SNTG1: variants seen among roughly 807,000 people sequenced by gnomAD.
The protein encoded by SNTG1 is syntrophin gamma 1.
SNTG1 carries 39 observed loss-of-function variants against 74.7 expected under a neutral mutation model. The ratio of observed to expected loss-of-function variants is 0.52; its 90% confidence interval spans 0.40 to 0.68. The LOEUF is 0.68. Ranked by LOEUF, SNTG1 falls within the 30% of genes least tolerant of loss-of-function variation. SNTG1 has a pLI of 0.00. For synonymous variants in SNTG1, 254 were observed against 217.1 expected (o/e 1.17, Z -1.49); for missense variants, 685 against 609.5 (o/e 1.12, Z -1.30).
chr8:50,115,576 A>AAAAGAAAAAAAAAAAAAAAC, intron 1 of SNTG1, among the ~76,000 whole-genome samples: 1 of 82,908 alleles, frequency 1.2e-5, no homozygotes. Flanking sequence ...TCAAAAAAAA[A>AAAAGAAAAAAAAAAAAAAAC]AAAAAAAAAA....
intron 15 of SNTG1, among the ~76,000 whole-genome samples, chr8:50,689,501 A>G (rs1379974835): frequency 6.6e-6 from 1 of 152,146 alleles, no homozygotes; most frequent in East Asian, 1.9e-4. Flanking sequence ...ATCTATTGAG[A>G]TAATCATGTG....
At chr8:50,353,190 G>A (rs2091718470) in intron 2 of SNTG1, among the ~76,000 whole-genome samples, 1 of 147,360 alleles carries the variant, frequency 6.8e-6, no homozygotes, top group African/African-American at 2.5e-5. Flanking sequence ...TCACTCATGG[G>A]TGGGAATTGA....
At chr8:50,271,692 T>C (rs550234611) in intron 2 of SNTG1, among the ~76,000 whole-genome samples, 42 of 152,310 alleles carry the variant, frequency 2.8e-4, no homozygotes, top group African/African-American at 9.4e-4. Flanking sequence ...CGTATGACAG[T>C]TGACCTCCTA....
chr8:50,789,406 C>A (rs1488339029), intron 18 of SNTG1, among the ~76,000 whole-genome samples: 1 of 151,952 alleles, frequency 6.6e-6, no homozygotes, highest in Non-Finnish European at 1.5e-5. Context: ...ACCTATCCTG[C>A]ACACCTTGAT....
At chr8:50,133,094 G>A (rs1197805231) in intron 1 of SNTG1, among the ~76,000 whole-genome samples, 2 of 152,054 alleles carry the variant, frequency 1.3e-5, no homozygotes, top group African/African-American at 4.8e-5. Context: ...ACTATAAGAA[G>A]CAAGGACGAG....
At chr8:49,967,738 A>G (rs1811279257) in intron 1 of SNTG1, among the ~76,000 whole-genome samples, 1 of 152,218 alleles carries the variant, frequency 6.6e-6, no homozygotes, top group African/African-American at 2.4e-5. Flanking sequence ...TATCACTGAA[A>G]GTGAGATTAA....
At chr8:50,698,516 C>T (rs145760215) in intron 15 of SNTG1, among the ~76,000 whole-genome samples, 1 of 152,146 alleles carries the variant, frequency 6.6e-6, no homozygotes, top group African/African-American at 2.4e-5. Flanking sequence ...AGCCTGGTTC[C>T]AGCATGCCAA....
chr8:50,009,480 C>T (rs781688881), intron 1 of SNTG1, among the ~76,000 whole-genome samples: 3 of 152,078 alleles, frequency 2.0e-5, no homozygotes, highest in Non-Finnish European at 4.4e-5. Context: ...ATCATCTAAG[C>T]ATTAGGCTAA....
chr8:50,074,129 A>G (rs959435939), intron 1 of SNTG1, among the ~76,000 whole-genome samples: 7 of 152,054 alleles, frequency 4.6e-5, no homozygotes, highest in Non-Finnish European at 8.8e-5. Flanking sequence ...TCTACATCAA[A>G]AATCTGTTGT....
rs564406033 is a variant in SNTG1 at position 50,730,658 on chromosome 8, T to C, written c.1285-21343T>C. ...ATAAGGATATGTTGTCTCAAAATGC[T>C]ATGAATTTTATGACATGTTTAAGAT... On this transcript the variant is annotated intron_variant, in intron 17 of 18. Coordinates refer to ENST00000642720, the MANE Select transcript of SNTG1 (RefSeq NM_018967.5). Among the ~76,000 whole-genome samples the C allele has an allele frequency of 9.8e-5, 15 of 152,334 alleles. No homozygotes were observed. The South Asian group carries it at 3.1e-3, about 32-fold the overall frequency.
intron 1 of SNTG1, among the ~76,000 whole-genome samples, chr8:49,915,312 T>C (rs1272467665): frequency 6.6e-6 from 1 of 152,186 alleles, no homozygotes; most frequent in Admixed American, 6.5e-5. Flanking sequence ...ACAAGTGTTA[T>C]ATCTGTGAGT....
At chr8:50,315,765 G>A (rs1373097218) in intron 2 of SNTG1, among the ~76,000 whole-genome samples, 2 of 152,044 alleles carry the variant, frequency 1.3e-5, no homozygotes, top group African/African-American at 2.4e-5. Flanking sequence ...CTAATACTAA[G>A]GATGCAAACC....
At chr8:50,183,672 A>C (rs1336657324) in intron 2 of SNTG1, among the ~76,000 whole-genome samples, 1 of 152,144 alleles carries the variant, frequency 6.6e-6, no homozygotes, top group East Asian at 1.9e-4. Flanking sequence ...CTAAATTTCT[A>C]TCTGCTTCCC....
intron 17 of SNTG1, among the ~76,000 whole-genome samples, chr8:50,715,436 C>A (rs905369411): frequency 2.0e-5 from 3 of 152,034 alleles, no homozygotes. Context: ...ATAAAGGCTT[C>A]TTTACTTCAA....
chr8:50,601,314 T>C (rs1212492922), intron 13 of SNTG1, among the ~76,000 whole-genome samples: 1 of 152,064 alleles, frequency 6.6e-6, no homozygotes, highest in Non-Finnish European at 1.5e-5. Flanking sequence ...GGTTTTATTA[T>C]GTTGTGTTTC....
chr8:50,425,591 A>G (rs1472629954), intron 4 of SNTG1, among the ~76,000 whole-genome samples: 1 of 152,150 alleles, frequency 6.6e-6, no homozygotes, highest in Non-Finnish European at 1.5e-5. Context: ...GTGCACCATA[A>G]ATGTAATGAG....
At chr8:49,932,507 C>A (rs1807684489) in intron 1 of SNTG1, among the ~76,000 whole-genome samples, 1 of 151,746 alleles carries the variant, frequency 6.6e-6, no homozygotes, top group Non-Finnish European at 1.5e-5. Flanking sequence ...TATTATTACA[C>A]ATGGTTTCTA....
intron 15 of SNTG1, among the ~76,000 whole-genome samples, chr8:50,701,579 T>TTTTTTCTTCTTCTTCTTCTTCTTC (rs1563761184): frequency 1.2e-5 from 1 of 83,756 alleles, no homozygotes; most frequent in Admixed American, 1.1e-4. Context: ...ATAATACCTT[T>TTTTTTCTTCTTCTTCTTCTTCTTC]TTCTTCCTCT....
intron 12 of SNTG1, among the ~76,000 whole-genome samples, chr8:50,565,011 A>G (rs1469109344): frequency 1.3e-5 from 2 of 152,052 alleles, no homozygotes; most frequent in Admixed American, 1.3e-4. Context: ...TGTCAAATTA[A>G]TAATATGTAC....
Sources: allele counts gnomAD v4.1 joint callset (sites outside exome capture counted in the v4.1 genomes callset), GRCh38; gene constraint gnomAD v4.1.1; transcripts MANE v1.5; gene names NCBI Gene and HGNC (gene_info 2026-07-23, HGNC 2026-07-21).